The following CACNA1D variants were observed in gnomAD, a reference collection of about 807,000 sequenced individuals.
The protein encoded by CACNA1D is voltage-dependent L-type calcium channel subunit alpha-1D.
A neutral mutation model predicts 257.1 loss-of-function variants in CACNA1D; 55 were observed. The ratio of observed to expected loss-of-function variants is 0.21; its 90% CI spans 0.17 to 0.27. The LOEUF (loss-of-function observed/expected upper bound fraction) is 0.27, where lower values mean the gene tolerates loss of function less well. Ranked by LOEUF, CACNA1D falls within the 10% of genes least tolerant of loss-of-function variation. The pLI is 1.00. For missense variants in CACNA1D, 1,876 were observed against 2,784.0 expected, an observed-to-expected ratio of 0.67 and a Z score of 7.34; for synonymous variants, 980 against 1,014.9, an observed-to-expected ratio of 0.97 and a Z score of 0.65.
intron 3 of CACNA1D, among the ~76,000 whole-genome samples, chr3:53,624,662 C>T (rs936308716): frequency 6.6e-6 from 1 of 152,228 alleles, no homozygotes; most frequent in Middle Eastern, 3.2e-3. Context: ...TCCCAAGAAG[C>T]CCTCAATGGC....
At chr3:53,642,171 T>TTCGC (rs1428109004) in intron 3 of CACNA1D, among the ~76,000 whole-genome samples, 2 of 152,172 alleles carry the variant, frequency 1.3e-5, no homozygotes, top group Non-Finnish European at 1.5e-5. Context: ...GCTTCTGAGT[T>TTCGC]TCGCTGGCTG....
At chr3:53,738,144 G>A (rs2095077349) in intron 20 of CACNA1D, among the ~76,000 whole-genome samples, 1 of 152,172 alleles carries the variant, frequency 6.6e-6, no homozygotes, top group Admixed American at 6.5e-5. Context: ...GCTTGCTGGT[G>A]GGCACCTTTT....
At chr3:53,523,192 T>C (rs1575749430) in intron 3 of CACNA1D, among the ~76,000 whole-genome samples, 1 of 152,162 alleles carries the variant, frequency 6.6e-6, no homozygotes, top group East Asian at 1.9e-4. Flanking sequence ...AGGCAGGAGT[T>C]GGAACACTGG....
rs947401058 is a variant in CACNA1D at position 53,803,478 on chromosome 3, C to G, written c.5491C>G (p.His1831Asp). 14 of 1,613,942 alleles carry G rather than the reference C, an allele frequency of 8.7e-6. No individual in the cohort carries two copies. Among genetic ancestry groups the G allele is most frequent in the Non-Finnish European group, 1.1e-5 (13 of 1,179,872 alleles). The part of the protein sequence containing the change: ...PTICREDPEI[H>D]GYFRDPHCLG... The stretch of plus-strand genomic sequence containing the variant: ...TATTTGCCGGGAAGACCCAGAGATA[C>G]ATGGCTATTTCAGGGACCCCCACTG... Residue 1831 changes from histidine (H) to aspartate (D), a missense_variant, in exon 44 of 48, where the codon CAT (histidine) becomes GAT (aspartate). Around this residue, in one of 10 missense-constraint regions of CACNA1D, gnomAD observed 491 missense variants for 554.3 expected, o/e 0.89. Coordinates refer to ENST00000350061, the MANE Select transcript of CACNA1D (RefSeq NM_001128840.3).
At chr3:53,808,830 C>T in intron 46 of CACNA1D, 60 bp downstream of exon 46, 1 of 1,567,700 alleles carries the variant, frequency 6.4e-7, no homozygotes, top group Non-Finnish European at 8.7e-7. Context: ...GGACCCCCAT[C>T]AGGTCACTCC....
intron 8 of CACNA1D, among the ~76,000 whole-genome samples, chr3:53,691,247 C>A (rs937062790): frequency 5.9e-5 from 9 of 151,304 alleles, no homozygotes; most frequent in African/African-American, 2.2e-4. Context: ...TCAAGAGATT[C>A]TCCTGCCTCA....
At chr3:53,796,282 GC>G (rs1256755178) in intron 40 of CACNA1D, 2 of 455,080 alleles carry the variant, frequency 4.4e-6, no homozygotes, top group East Asian at 1.4e-4. Flanking sequence ...TGGGGAACAG[GC>G]TCTGCCAGGC....
rs1347440438 is a variant in CACNA1D at position 53,722,466 on chromosome 3, A to T, written c.1658A>T (p.Gln553Leu). The T allele has an allele frequency of 6.2e-7, 1 of 1,614,044 alleles. No homozygotes were observed. The highest frequency in any genetic ancestry group is 8.5e-7 in the Non-Finnish European group (1 of 1,180,036). Residue 553 changes from glutamine (Q) to leucine (L), a missense_variant, in exon 12 of 48, where the codon CAG becomes CTG. Around this residue, in one of 10 missense-constraint regions of CACNA1D, gnomAD observed 257 missense variants for 399.7 expected, o/e 0.64. Transcript: ENST00000350061. ...EHYNQPDWLT[Q>L]IQDIANKVLL... is the part of the protein sequence containing the mutation. ...TACAATCAGCCAGATTGGTTGACAC[A>T]GATTCAAGGTACAAGCAGAGGCCAT...
intron 45 of CACNA1D, among the ~76,000 whole-genome samples, chr3:53,806,152 T>C: frequency 1.7e-5 from 2 of 114,330 alleles, no homozygotes; most frequent in Non-Finnish European, 3.6e-5. Flanking sequence ...ACCCTCCTCC[T>C]CCTTCTTTTC....
chr3:53,590,612 T>A (rs930396436), intron 3 of CACNA1D, among the ~76,000 whole-genome samples: 1 of 152,270 alleles, frequency 6.6e-6, no homozygotes, highest in African/African-American at 2.4e-5. Context: ...ACAACTGTGG[T>A]CATCACAGTT....
At chr3:53,740,531 A>G (rs904954769) in intron 21 of CACNA1D, 192 bp downstream of exon 21, 1 of 586,372 alleles carries the variant, frequency 1.7e-6, no homozygotes, top group Non-Finnish European at 3.1e-6. Context: ...TGTGACACAC[A>G]GGAAAGAAGC....
intron 3 of CACNA1D, among the ~76,000 whole-genome samples, chr3:53,572,389 T>C (rs1419109194): frequency 6.6e-6 from 1 of 150,642 alleles, no homozygotes; most frequent in South Asian, 2.1e-4. Context: ...TTTATTTATT[T>C]ATTTATTTAT....
intron 40 of CACNA1D, among the ~76,000 whole-genome samples, chr3:53,790,013 C>A (rs1165128495): frequency 6.6e-6 from 1 of 152,096 alleles, no homozygotes; most frequent in African/African-American, 2.4e-5. Flanking sequence ...TTCCATCCTT[C>A]CATCCATCTT....
chr3:53,705,186 A>G (rs1198749139), intron 9 of CACNA1D, among the ~76,000 whole-genome samples: 3 of 152,090 alleles, frequency 2.0e-5, no homozygotes, highest in African/African-American at 7.2e-5. Context: ...GGAGGGCGCG[A>G]TGATTCTGGC....
At position 53,751,669 on chromosome 3, in the gene CACNA1D, C is replaced by T. The variant is rs2095227460; in HGVS notation, c.3517-80C>T. 1 of 1,466,382 alleles carries T rather than the reference C, an allele frequency of 6.8e-7. No individual in the cohort carries two copies. Among genetic ancestry groups the T allele is most frequent in the East Asian group, 2.3e-5 (1 of 44,066 alleles). The allele number at this position is 1,466,382 out of a possible 1,614,324, so 90.8% of individuals were successfully genotyped here. On this transcript the variant is annotated intron_variant, in intron 27 of 47. Coordinates refer to ENST00000350061, the MANE Select transcript of CACNA1D (RefSeq NM_001128840.3). The surrounding 1 kb of genome is among the most constrained non-coding windows in gnomAD (Gnocchi z 4.3). The stretch of plus-strand genomic sequence containing the variant: ...CTTCCCGGGAGCTGTAGGGTGAGCT[C>T]TTTCAGAGCAGATGACCACGGGGTC...
chr3:53,586,679 T>C (rs1426342628), intron 3 of CACNA1D, among the ~76,000 whole-genome samples: 1 of 152,194 alleles, frequency 6.6e-6, no homozygotes, highest in African/African-American at 2.4e-5. Flanking sequence ...CTGTTATTCC[T>C]AGTACCTCTC....
rs147846726 is a variant in CACNA1D, at chr3:53,624,697, C to T, written c.484-26082C>T. Among the ~76,000 whole-genome samples, 570 of 152,278 alleles carry T rather than the reference C, an allele frequency of 3.7e-3. 1 individual carries two copies. The highest frequency in any genetic ancestry group is 5.4e-3 in the Non-Finnish European group (369 of 68,030). On this transcript the variant is annotated intron_variant, in intron 3 of 47. Transcript: ENST00000350061. ...CATTACCGTAATTCTGTTTATATGA[C>T]GCACCCCCAAATTCTTGAGCTGTGG...
chr3:53,636,543 C>T (rs2093886359), intron 3 of CACNA1D, among the ~76,000 whole-genome samples: 1 of 152,136 alleles, frequency 6.6e-6, no homozygotes, highest in Admixed American at 6.5e-5. Context: ...TGACCTCAAG[C>T]AGTCCGGCCT....
rs932736855 is a variant in CACNA1D, at chr3:53,810,321, G to A, written c.6192+23G>A. ...GCAGTGAGTACGGTTCTTGGCCGTG[G>A]TGGGCAGGAAGCACCAGGAGCAGCA... On this transcript the variant is annotated intron_variant, in intron 47 of 47. Coordinates refer to ENST00000350061, the MANE Select transcript of CACNA1D (RefSeq NM_001128840.3). The A allele has an allele frequency of 5.6e-6, 9 of 1,610,448 alleles. No individual in the cohort carries two copies. In the East Asian group the frequency reaches 2.0e-4, roughly 36 times the overall value.
Sources: gnomAD v4.1 joint callset for allele counts (sites outside exome capture counted in the v4.1 genomes callset) on GRCh38, gnomAD v4.1.1 for gene constraint, gnomAD v4.1.1 regional missense constraint, Gnocchi (gnomAD v3.1) non-coding constraint, MANE v1.5 for transcripts, NCBI Gene and HGNC (gene_info 2026-07-23, HGNC 2026-07-21) for gene names.